KLHL3: variants seen among roughly 807,000 people sequenced by gnomAD.
KLHL3 encodes the protein kelch like family member 3, also known as kelch-like protein 3.
KLHL3 carries 19 observed loss-of-function variants against 70.5 expected under a neutral mutation model. That is an observed-to-expected ratio of 0.27 (90% CI 0.19 to 0.40). The LOEUF (loss-of-function observed/expected upper bound fraction) is 0.40, where lower values mean the gene tolerates loss of function less well. KLHL3 is among the 10% of genes least tolerant of loss of function. The pLI, the probability that KLHL3 is intolerant of heterozygous loss-of-function variation, is 1.00. For missense variants in KLHL3, 512 were observed against 771.1 expected (o/e 0.66, Z 3.98); for synonymous variants, 258 against 290.3 (o/e 0.89, Z 1.13).
intron 3 of KLHL3, among the ~76,000 whole-genome samples, chr5:137,708,481 G>A (rs1752726537): frequency 6.6e-6 from 1 of 152,178 alleles, no homozygotes; most frequent in Non-Finnish European, 1.5e-5. Flanking sequence ...TGTTCCCCAA[G>A]TGCCCAAAGC....
intron 2 of KLHL3, among the ~76,000 whole-genome samples, chr5:137,712,123 C>T (rs984578644): frequency 3.8e-5 from 5 of 133,256 alleles, no homozygotes; most frequent in African/African-American, 1.5e-4. Context: ...CATGCCACTA[C>T]ACTCCAGCCT....
At chr5:137,678,050 C>G (rs899981870) in intron 5 of KLHL3, among the ~76,000 whole-genome samples, 12 of 152,140 alleles carry the variant, frequency 7.9e-5, no homozygotes, top group African/African-American at 2.9e-4. Flanking sequence ...TGAAGCTCAG[C>G]CAAACAAAAA....
At chr5:137,672,366 T>C (rs1012997050) in intron 6 of KLHL3, among the ~76,000 whole-genome samples, 2 of 152,198 alleles carry the variant, frequency 1.3e-5, no homozygotes, top group African/African-American at 2.4e-5. Flanking sequence ...CCAATGATCC[T>C]GGGAGACAAG....
chr5:137,717,839 T>A (rs965798174), intron 2 of KLHL3, among the ~76,000 whole-genome samples: 2 of 152,098 alleles, frequency 1.3e-5, no homozygotes, highest in Non-Finnish European at 2.9e-5. Flanking sequence ...CAAATATATA[T>A]AGATTGTGGT....
At chr5:137,710,849 GA>G (rs1752779571) in intron 2 of KLHL3, among the ~76,000 whole-genome samples, 1 of 152,100 alleles carries the variant, frequency 6.6e-6, no homozygotes, top group African/African-American at 2.4e-5. Context: ...TGCCTATATT[GA>G]AAATGAAGAA....
rs763334990 is a variant in KLHL3, at chr5:137,639,882, A to G, written c.999T>C (p.Leu333=). ...EEDRWDQIAE[L]PSRRCRAGVV... Reference sequence around the variant, plus strand: ...CACCTGCTCTGCATCTTCTGGAAGGAAGCTCAGCAATCTGATCCCACCGGT... The same window carrying G: ...CACCTGCTCTGCATCTTCTGGAAGGGAGCTCAGCAATCTGATCCCACCGGT... The change falls in exon 9 of 15, where the codon CTT becomes CTC. Residue 333 remains leucine (L), a synonymous_variant. Transcript: ENST00000309755. This position sits in a 1 kb window ranked among gnomAD's most constrained non-coding sequence, Gnocchi z 5.0. 1 of 1,614,014 alleles carries G rather than the reference A, an allele frequency of 6.2e-7. No individual in the cohort carries two copies. The highest frequency in any genetic ancestry group is 1.1e-5 in the South Asian group (1 of 91,062).
intron 5 of KLHL3, among the ~76,000 whole-genome samples, chr5:137,682,625 G>A (rs896001421): frequency 6.6e-6 from 1 of 152,036 alleles, no homozygotes; most frequent in Non-Finnish European, 1.5e-5. Context: ...AGTCTTTGGG[G>A]TTCCCAAAGC....
At chr5:137,685,407 T>C (rs1752137157) in intron 5 of KLHL3, among the ~76,000 whole-genome samples, 1 of 152,246 alleles carries the variant, frequency 6.6e-6, no homozygotes, top group South Asian at 2.1e-4. Flanking sequence ...AAGATTTGTA[T>C]TGTCAAACAA....
Position 137,680,994 on chromosome 5 carries a change from G to A in KLHL3, c.527-3340C>T, listed in dbSNP as rs143398884. ...TCAAGACTAGCCTGGTCAATAAAGT[G>A]AGGCCCCTCTCTATTTAAAAAAAAA... On this transcript the variant is annotated intron_variant, in intron 5 of 14. Transcript: ENST00000309755. Among the ~76,000 whole-genome samples, 11 of 152,154 alleles carry A rather than the reference G, an allele frequency of 7.2e-5. No individual in the cohort carries two copies. In the East Asian group the frequency reaches 1.7e-3, roughly 24 times the overall value.
At chr5:137,683,203 C>T (rs1311748911) in intron 5 of KLHL3, among the ~76,000 whole-genome samples, 1 of 152,078 alleles carries the variant, frequency 6.6e-6, no homozygotes, top group African/African-American at 2.4e-5. Flanking sequence ...GTGCCTCTTC[C>T]TCTTCTCCAT....
intron 5 of KLHL3, among the ~76,000 whole-genome samples, chr5:137,684,039 G>C (rs1580758659): frequency 6.6e-6 from 1 of 152,320 alleles, no homozygotes; most frequent in East Asian, 1.9e-4. Context: ...AAATAGGCTA[G>C]GCTGGTCTGG....
intron 10 of KLHL3, among the ~76,000 whole-genome samples, chr5:137,637,938 G>C (rs1750811767): frequency 6.6e-6 from 1 of 152,194 alleles, no homozygotes; most frequent in Non-Finnish European, 1.5e-5. Flanking sequence ...GTGTTGGCTG[G>C]AGGTATAACA....
At chr5:137,716,526 A>G (rs2149933131) in intron 2 of KLHL3, among the ~76,000 whole-genome samples, 1 of 152,224 alleles carries the variant, frequency 6.6e-6, no homozygotes, top group East Asian at 1.9e-4. Context: ...ACAGGAATTT[A>G]TGCTGAGCAA....
intron 2 of KLHL3, among the ~76,000 whole-genome samples, chr5:137,710,373 C>T (rs1043122749): frequency 6.6e-6 from 1 of 152,150 alleles, no homozygotes; most frequent in African/African-American, 2.4e-5. Context: ...AGATTTAACG[C>T]TTTCAACAAG....
intron 5 of KLHL3, among the ~76,000 whole-genome samples, chr5:137,686,732 C>T (rs1472155759): frequency 6.6e-6 from 1 of 152,222 alleles, no homozygotes; most frequent in African/African-American, 2.4e-5. Context: ...AAAAAGCAGG[C>T]CCACGTCAGT....
At chr5:137,637,016 T>G (rs974560309) in intron 11 of KLHL3, among the ~76,000 whole-genome samples, 32 of 152,236 alleles carry the variant, frequency 2.1e-4, no homozygotes, top group African/African-American at 7.7e-4. Flanking sequence ...CTAGCAGAGC[T>G]ATTGACACAG....
Position 137,618,894 on chromosome 5 carries a change from T to TAAAAAAAAAAAA in KLHL3, c.*3192_*3203dup, listed in dbSNP as rs1045906480. On this transcript the variant is annotated 3_prime_UTR_variant, in exon 15 of 15. Transcript: ENST00000309755. ...CAGACTCCCTTGAATATGGTATTTTTAAAAAAAAAAAAAAGGCTCATCTAC... is the reference window on the plus strand; with the variant it reads ...CAGACTCCCTTGAATATGGTATTTTTAAAAAAAAAAAAAAAAAAAAAAAAAAGGCTCATCTAC... 2 of 146,210 alleles carry TAAAAAAAAAAAA rather than the reference T, an allele frequency of 1.4e-5. No homozygotes were observed. Among genetic ancestry groups the TAAAAAAAAAAAA allele is most frequent in the Admixed American group, 6.7e-5 (1 of 14,838 alleles). 9.1% of individuals were successfully genotyped at this position (146,210 alleles called of 1,614,324 possible).
intron 1 of KLHL3, chr5:137,720,969 G>T: frequency 1.2e-6 from 1 of 812,608 alleles, no homozygotes; most frequent in Non-Finnish European, 1.5e-6. Context: ...TTAGATTTAA[G>T]GGAAACAAAA....
chr5:137,733,656 G>C (rs56200852), intron 1 of KLHL3, among the ~76,000 whole-genome samples: 30,653 of 152,174 alleles, frequency 0.2, 3,169 homozygotes, highest in Non-Finnish European at 0.21. Flanking sequence ...TAGAATTTTA[G>C]AATAACCTTG....
Sources: allele counts gnomAD v4.1 joint callset (sites outside exome capture counted in the v4.1 genomes callset), GRCh38; gene constraint gnomAD v4.1.1; non-coding constraint Gnocchi (gnomAD v3.1); transcripts MANE v1.5; gene names NCBI Gene and HGNC (gene_info 2026-07-23, HGNC 2026-07-21).